Variants in SCGB2A1 observed in about 807,000 individuals in gnomAD.
SCGB2A1 encodes mammaglobin-B.
Under a neutral mutation model 9.2 loss-of-function variants are expected in SCGB2A1, and 6 were observed. The observed-to-expected ratio is 0.66, with a 90% confidence interval of 0.36 to 1.29. SCGB2A1 has a LOEUF of 1.29. SCGB2A1 is among the 50% of genes most tolerant of loss of function. The pLI, the probability that SCGB2A1 is intolerant of heterozygous loss-of-function variation, is 0.03. For synonymous variants in SCGB2A1, 37 were observed against 41.0 expected (o/e 0.90, Z 0.37); for missense variants, 138 against 116.9 (o/e 1.18, Z -0.83).
chr11:62,210,364 G>C (rs565977471), intron 1 of SCGB2A1, 49 bp from the exon 2 acceptor site: 1 of 1,515,654 alleles, frequency 6.6e-7, no homozygotes, highest in East Asian at 2.4e-5. Context: ...CACACCTCTA[G>C]TAATGGCCCA....
At chr11:62,210,882 C>A (rs1944824520) in intron 2 of SCGB2A1, among the ~76,000 whole-genome samples, 1 of 151,478 alleles carries the variant, frequency 6.6e-6, no homozygotes, top group South Asian at 2.1e-4. Flanking sequence ...CATAAGCACA[C>A]AAGTATAGAC....
intron 2 of SCGB2A1, among the ~76,000 whole-genome samples, chr11:62,210,854 C>CACACAG (rs747363490): frequency 2.6e-5 from 4 of 151,938 alleles, no homozygotes; most frequent in Non-Finnish European, 4.4e-5. Flanking sequence ...AGTCCCTTCT[C>CACACAG]ACACAGACAC....
At chr11:62,210,362 T>A in intron 1 of SCGB2A1, 51 bp from the exon 2 acceptor site, 3 of 1,536,676 alleles carry the variant, frequency 2.0e-6, no homozygotes, top group Non-Finnish European at 2.6e-6. Flanking sequence ...ATCACACCTC[T>A]AGTAATGGCC....
At chr11:62,211,187 G>C (rs1325943870) in intron 2 of SCGB2A1, among the ~76,000 whole-genome samples, 1 of 151,962 alleles carries the variant, frequency 6.6e-6, no homozygotes, top group Non-Finnish European at 1.5e-5. Context: ...GCCTCCCAGA[G>C]TTCTGAGATT....
In SCGB2A1 at chr11:62,213,764, T is replaced by C; in HGVS notation, c.282T>C (p.Ser94=). The change falls in exon 3 of 3, where the codon AGT becomes AGC. Residue 94 remains serine (S), a synonymous_variant. Transcript: ENST00000244930. The stretch of plus-strand genomic sequence containing the variant: ...ACAGCATTTGGTGTAATATGAAGAG[T>C]AATTAACTTTACCCAAGGCGTTTGG... ...VYDSIWCNMK[S]N 5 of 1,613,780 alleles carry C rather than the reference T, an allele frequency of 3.1e-6. No individual in the cohort carries two copies. The highest frequency in any genetic ancestry group is 4.2e-6 in the Non-Finnish European group (5 of 1,179,864).
Position 62,213,597 on chromosome 11 carries a change from G to T in SCGB2A1, c.244-129G>T, listed in dbSNP as rs941268096. 9 of 818,078 alleles carry T rather than the reference G, an allele frequency of 1.1e-5. No homozygotes were observed. In the East Asian group the frequency reaches 1.5e-4, roughly 14 times the overall value. The allele number at this position is 818,078 out of a possible 1,614,324, so 50.7% of individuals were successfully genotyped here. ...TAAATGGAGAGGGGATGCTGGCTTT[G>T]CTTCCACTGCAAATCCTCCTGAGAG... On this transcript the variant is annotated intron_variant, in intron 2 of 2. Transcript: ENST00000244930.
chr11:62,212,951 C>T (rs1377274288), intron 2 of SCGB2A1, among the ~76,000 whole-genome samples: 12 of 83,718 alleles, frequency 1.4e-4, no homozygotes, highest in Admixed American at 5.8e-4. Flanking sequence ...TATGTACACA[C>T]ATATGTACAC....
intron 1 of SCGB2A1, among the ~76,000 whole-genome samples, 155 bp downstream of exon 1, chr11:62,208,941 T>A (rs1490574188): frequency 6.6e-6 from 1 of 152,092 alleles, no homozygotes; most frequent in East Asian, 1.9e-4. Context: ...TTCCTGACAA[T>A]CAAGCATGCA....
chr11:62,211,927 T>C (rs1590655165), intron 2 of SCGB2A1, among the ~76,000 whole-genome samples: 1 of 152,164 alleles, frequency 6.6e-6, no homozygotes, highest in East Asian at 1.9e-4. Context: ...GTTTTTTGTT[T>C]TTCGTTTTTT....
At chr11:62,209,850 T>A (rs1039294901) in intron 1 of SCGB2A1, among the ~76,000 whole-genome samples, 6 of 152,110 alleles carry the variant, frequency 3.9e-5, no homozygotes, top group Non-Finnish European at 8.8e-5. Flanking sequence ...AATTTTTAAA[T>A]TTTTTGTAGA....
chr11:62,210,611 T>A lies in SCGB2A1; in HGVS notation c.243+11T>A. 5.9e-6 allele frequency: 9 copies of A among 1,526,338 alleles called. No individual in the cohort carries two copies. The highest frequency in any genetic ancestry group is 7.9e-6 in the Non-Finnish European group (9 of 1,145,762). The allele number at this position is 1,526,338 out of a possible 1,614,324, so 94.5% of individuals were successfully genotyped here. Reference sequence around the variant, plus strand: ...TTTGGACTGATGATGGTAATTTGGGTTTCTTCTTATGTACCCTTTGAAAAT... The same window carrying A: ...TTTGGACTGATGATGGTAATTTGGGATTCTTCTTATGTACCCTTTGAAAAT... On this transcript the variant is annotated intron_variant, in intron 2 of 2. Transcript: ENST00000244930.
rs758447548 is a variant in SCGB2A1 at position 62,213,815 on chromosome 11, G to C, written c.*45G>C. 1.3e-6 allele frequency: 2 copies of C among 1,523,524 alleles called. No homozygotes were observed. The highest frequency in any genetic ancestry group is 1.9e-5 in the Admixed American group (1 of 53,366). 94.4% of individuals were successfully genotyped at this position (1,523,524 alleles called of 1,614,324 possible). ...CTCAGAGGGCTACAGACTATGGCCA[G>C]AACTCATCTGTTGATTGCTAGAAAC... On this transcript the variant is annotated 3_prime_UTR_variant, in exon 3 of 3. Transcript: ENST00000244930.
chr11:62,210,344 T>C, intron 1 of SCGB2A1, 69 bp from the exon 2 acceptor site: 1 of 1,505,592 alleles, frequency 6.6e-7, no homozygotes, highest in Non-Finnish European at 8.8e-7. Context: ...AATTCATCTG[T>C]AGAATGAATC....
In SCGB2A1 at chr11:62,210,414, T is replaced by G; in HGVS notation, c.57T>G (p.Asp19Glu). The change falls in exon 2 of 3, where the codon GAT (aspartate) becomes GAG (glutamate). Residue 19 changes from aspartate (D) to glutamate (E), a missense_variant and splice_region_variant. Coordinates refer to ENST00000244930, the MANE Select transcript of SCGB2A1 (RefSeq NM_002407.3). ...TTTTTTTTTTTTTTTTTTTTCCAGATTCTGGCTGCAAACTCCTGGAGGACA... is the reference window on the plus strand; with the variant it reads ...TTTTTTTTTTTTTTTTTTTTCCAGAGTCTGGCTGCAAACTCCTGGAGGACA... ...LAALLLHCYADSGCKLLEDMV... is the reference protein window; with the variant it reads ...LAALLLHCYAESGCKLLEDMV... The G allele has an allele frequency of 6.7e-7, 1 of 1,496,242 alleles. No homozygotes were observed. Among genetic ancestry groups the G allele is most frequent in the Non-Finnish European group, 8.9e-7 (1 of 1,119,590 alleles). 92.7% of individuals were successfully genotyped at this position (1,496,242 alleles called of 1,614,324 possible).
chr11:62,208,974 G>C (rs1944806483), intron 1 of SCGB2A1, among the ~76,000 whole-genome samples, 188 bp downstream of exon 1: 1 of 152,124 alleles, frequency 6.6e-6, no homozygotes, highest in South Asian at 2.1e-4. Flanking sequence ...GCTGTCCCCT[G>C]CATTGGAGCT....
At chr11:62,213,362 T>G in intron 2 of SCGB2A1, 1 of 176,482 alleles carries the variant, frequency 5.7e-6, no homozygotes, top group Non-Finnish European at 1.2e-5. Flanking sequence ...CTGAGATTTT[T>G]TAATAATTCT....
rs5792248 is a variant in SCGB2A1 at position 62,210,923 on chromosome 11, A to ATT, written c.243+339_243+340dup. Among the ~76,000 whole-genome samples, 107 of 137,314 alleles carry ATT rather than the reference A, an allele frequency of 7.8e-4. 1 individual carries two copies. Among genetic ancestry groups the ATT allele is most frequent in the African/African-American group, 2.5e-3 (91 of 36,776 alleles). 90.1% of individuals were successfully genotyped at this position (137,314 alleles called of 152,430 possible). Reference sequence around the variant, plus strand: ...CAGACACACGGGGACAGGCATCGGCATTTTTTTTTTTTTTTTTGAGACGGA... The same window carrying ATT: ...CAGACACACGGGGACAGGCATCGGCATTTTTTTTTTTTTTTTTTTGAGACGGA... On this transcript the variant is annotated intron_variant, in intron 2 of 2. Transcript: ENST00000244930.
At chr11:62,213,032 A>ATG (rs1565121462) in intron 2 of SCGB2A1, among the ~76,000 whole-genome samples, 50 of 55,608 alleles carry the variant, frequency 9.0e-4, no homozygotes, top group African/African-American at 2.7e-3. Context: ...ACATATATAC[A>ATG]CACATATATA....
intron 2 of SCGB2A1, among the ~76,000 whole-genome samples, chr11:62,213,045 T>C (rs61893727): frequency 0.031 from 2,413 of 77,170 alleles, 108 homozygotes; most frequent in African/African-American, 0.091. Flanking sequence ...CATATATACA[T>C]ATATACACAT....
Sources: allele counts gnomAD v4.1 joint callset (sites outside exome capture counted in the v4.1 genomes callset), GRCh38; gene constraint gnomAD v4.1.1; transcripts MANE v1.5; gene names NCBI Gene and HGNC (gene_info 2026-07-23, HGNC 2026-07-21).